Variants in CNTNAP2 observed in about 807,000 individuals in gnomAD.
CNTNAP2 encodes the protein contactin associated protein 2, also known as contactin-associated protein-like 2.
In CNTNAP2, 98 loss-of-function variants were observed where a neutral mutation model predicts 155.2. The observed-to-expected ratio is 0.63, with a 90% CI of 0.54 to 0.75. CNTNAP2 has a LOEUF of 0.75. Among genes scored for constraint, CNTNAP2 ranks in the 30% least tolerant of loss-of-function variants. CNTNAP2 has a pLI of 0.00. For missense variants in CNTNAP2, 1,727 were observed against 1,688.1 expected, an observed-to-expected ratio of 1.02 and a Z score of -0.40; for synonymous variants, 651 against 631.2, an observed-to-expected ratio of 1.03 and a Z score of -0.47.
intron 3 of CNTNAP2, among the ~76,000 whole-genome samples, chr7:146,944,597 G>T (rs902936784): frequency 6.6e-6 from 1 of 152,126 alleles, no homozygotes; most frequent in African/African-American, 2.4e-5. Flanking sequence ...TCTTAAGGCT[G>T]CCCAGGCGCG....
intron 11 of CNTNAP2, among the ~76,000 whole-genome samples, chr7:147,545,284 T>C (rs73164305): frequency 0.095 from 14,409 of 152,192 alleles, 920 homozygotes; most frequent in Non-Finnish European, 0.14. Context: ...ACCAGAACTT[T>C]AGTGATGTTT....
At chr7:146,157,429 G>C (rs1798143809) in intron 1 of CNTNAP2, among the ~76,000 whole-genome samples, 2 of 152,040 alleles carry the variant, frequency 1.3e-5, no homozygotes, top group South Asian at 2.1e-4. Flanking sequence ...CACAGAGCAG[G>C]GTGGGACATT....
chr7:147,063,071 T>C (rs902735158), intron 4 of CNTNAP2, among the ~76,000 whole-genome samples: 4 of 152,190 alleles, frequency 2.6e-5, no homozygotes, highest in Non-Finnish European at 4.4e-5. Flanking sequence ...ACTATTAAGT[T>C]TGCAGATGAA....
chr7:147,734,734 T>A (rs1053009227), intron 13 of CNTNAP2, among the ~76,000 whole-genome samples: 2 of 152,216 alleles, frequency 1.3e-5, no homozygotes, highest in Non-Finnish European at 2.9e-5. Context: ...TTCTTCCTGG[T>A]TTAGTCTTGG....
At chr7:146,790,383 G>T (rs1420802611) in intron 2 of CNTNAP2, among the ~76,000 whole-genome samples, 1 of 152,124 alleles carries the variant, frequency 6.6e-6, no homozygotes, top group African/African-American at 2.4e-5. Flanking sequence ...AACTGTGTTT[G>T]TTGGTTTCAT....
intron 16 of CNTNAP2, chr7:148,133,721 G>A (rs551567096): frequency 1.3e-5 from 2 of 152,344 alleles, no homozygotes; most frequent in East Asian, 3.9e-4. Context: ...GATGCACAGG[G>A]ACCAGGAAGG....
intron 1 of CNTNAP2, among the ~76,000 whole-genome samples, chr7:146,437,284 T>A (rs1376329738): frequency 6.6e-6 from 1 of 151,430 alleles, no homozygotes; most frequent in African/African-American, 2.5e-5. Flanking sequence ...ATGAAATCAG[T>A]CCCTGGTGCC....
Position 147,639,307 on chromosome 7 carries a change from G to A in CNTNAP2, c.2098+1G>A. The A allele has an allele frequency of 2.5e-6, 4 of 1,613,706 alleles. No individual in the cohort carries two copies. The highest frequency in any genetic ancestry group is 3.4e-6 in the Non-Finnish European group (4 of 1,179,744). ...ATGTCAAGATTGTTGAACACCCCAG[G>A]TAGGCTGAGAATGGAATGTTACTTT... On this transcript the variant is annotated splice_donor_variant, in intron 13 of 23. Coordinates refer to ENST00000361727, the MANE Select transcript of CNTNAP2 (RefSeq NM_014141.6). LOFTEE classifies it high-confidence loss of function.
intron 21 of CNTNAP2, among the ~76,000 whole-genome samples, chr7:148,316,968 C>G (rs11763879): frequency 0.21 from 31,500 of 152,160 alleles, 3,814 homozygotes; most frequent in Middle Eastern, 0.3. Flanking sequence ...TCTGAAGCCC[C>G]ACGGGGTCAT....
At chr7:146,779,212 C>G (rs912298992) in intron 2 of CNTNAP2, among the ~76,000 whole-genome samples, 2 of 152,176 alleles carry the variant, frequency 1.3e-5, no homozygotes, top group African/African-American at 2.4e-5. Flanking sequence ...GTCACCTCCC[C>G]CTGTCTGAGC....
chr7:147,885,095 T>A (rs368753630), intron 13 of CNTNAP2, among the ~76,000 whole-genome samples: 1 of 152,240 alleles, frequency 6.6e-6, no homozygotes, highest in East Asian at 1.9e-4. Flanking sequence ...TTTTTGATGT[T>A]ACTTTCAATG....
intron 4 of CNTNAP2, among the ~76,000 whole-genome samples, chr7:147,072,788 T>G (rs11971837): frequency 0.022 from 3,370 of 152,012 alleles, 93 homozygotes; most frequent in African/African-American, 0.069. Flanking sequence ...TGTTGTTTTT[T>G]TTATTTTTGA....
chr7:147,493,370 A>G (rs1798642138), intron 11 of CNTNAP2, among the ~76,000 whole-genome samples: 2 of 152,178 alleles, frequency 1.3e-5, no homozygotes, highest in African/African-American at 4.8e-5. Context: ...CCTTCAATTT[A>G]CTTTCCATCC....
chr7:146,774,449 A>G, intron 2 of CNTNAP2, 68 bp downstream of exon 2: 1 of 1,037,436 alleles, frequency 9.6e-7, no homozygotes, highest in Non-Finnish European at 1.5e-6. Context: ...TTATAGCCAT[A>G]TATATATATA....
chr7:147,441,444 T>C (rs1797634409), intron 10 of CNTNAP2, among the ~76,000 whole-genome samples: 1 of 152,192 alleles, frequency 6.6e-6, no homozygotes, highest in Non-Finnish European at 1.5e-5. Context: ...TCTCTGTTTC[T>C]CCAGGGTTGG....
intron 1 of CNTNAP2, among the ~76,000 whole-genome samples, chr7:146,474,999 A>ATG (rs1554438411): frequency 2.9e-5 from 4 of 138,510 alleles, no homozygotes; most frequent in Non-Finnish European, 4.8e-5. Flanking sequence ...ACGAGCGCGC[A>ATG]CGCGCGCGCG....
At chr7:146,972,418 T>A (rs2129233948) in intron 3 of CNTNAP2, among the ~76,000 whole-genome samples, 1 of 152,270 alleles carries the variant, frequency 6.6e-6, no homozygotes, top group East Asian at 1.9e-4. Context: ...TTAACATTTG[T>A]GTTTTATTTT....
intron 11 of CNTNAP2, among the ~76,000 whole-genome samples, chr7:147,558,272 T>C (rs1264612004): frequency 2.0e-5 from 3 of 152,224 alleles, no homozygotes; most frequent in African/African-American, 7.2e-5. Flanking sequence ...TTATCATATT[T>C]CCAGTGAAGT....
intron 1 of CNTNAP2, among the ~76,000 whole-genome samples, chr7:146,736,239 C>G (rs1415376796): frequency 1.3e-5 from 2 of 152,060 alleles, no homozygotes; most frequent in East Asian, 3.9e-4. Flanking sequence ...TCATATGGAG[C>G]AGGGTCCTGG....
Sources: allele counts gnomAD v4.1 joint callset (sites outside exome capture counted in the v4.1 genomes callset), GRCh38; gene constraint gnomAD v4.1.1; transcripts MANE v1.5; gene names NCBI Gene and HGNC (gene_info 2026-07-23, HGNC 2026-07-21).